Variants in LRRTM4 observed in about 807,000 individuals in gnomAD.
LRRTM4 encodes the protein leucine-rich repeat transmembrane neuronal protein 4.
Under a neutral mutation model 47.6 loss-of-function variants are expected in LRRTM4, and 25 were observed. The observed-to-expected ratio is 0.53, with a 90% CI of 0.38 to 0.73. LRRTM4 has a LOEUF of 0.73. Ranked by LOEUF, LRRTM4 falls within the 30% of genes least tolerant of loss-of-function variation. LRRTM4 has a pLI of 0.00. For synonymous variants in LRRTM4, 311 were observed against 269.5 expected, an observed-to-expected ratio of 1.15 and a Z score of -1.51; for missense variants, 638 against 713.4, an observed-to-expected ratio of 0.89 and a Z score of 1.20.
intron 3 of LRRTM4, among the ~76,000 whole-genome samples, chr2:76,821,822 G>C (rs1204653139): frequency 2.6e-5 from 4 of 151,542 alleles, no homozygotes; most frequent in African/African-American, 9.7e-5. Context: ...AGAAAATACA[G>C]CAGTCTTGCC....
intron 3 of LRRTM4, among the ~76,000 whole-genome samples, chr2:76,865,497 T>C (rs1216823817): frequency 6.6e-6 from 1 of 152,232 alleles, no homozygotes; most frequent in Non-Finnish European, 1.5e-5. Flanking sequence ...TTGTCTATCC[T>C]CATCATTTTA....
rs558283149 is a variant in LRRTM4, at chr2:77,420,663, A to G, written c.1551+97655T>C. 5.4e-3 allele frequency among the ~76,000 whole-genome samples: 816 copies of G among 150,714 alleles called. 3 individuals are homozygous for G. Among genetic ancestry groups the G allele is most frequent in the Middle Eastern group, 0.014 (4 of 286 alleles). ...ATATTTCTGCCCAGGCCTGTGGCCC[A>G]CTATTTCTCCAAGGAGCCTTGTCTT... is the stretch of plus-strand genomic sequence containing the variant. On this transcript the variant is annotated intron_variant, in intron 3 of 3. Transcript: ENST00000409884.
intron 3 of LRRTM4, among the ~76,000 whole-genome samples, chr2:76,912,176 C>T (rs1674090076): frequency 6.6e-6 from 1 of 152,144 alleles, no homozygotes; most frequent in African/African-American, 2.4e-5. Flanking sequence ...GCCTCGGCCT[C>T]CCAAAGTGCT....
intron 3 of LRRTM4, among the ~76,000 whole-genome samples, chr2:76,864,788 G>A (rs7603852): frequency 0.27 from 40,374 of 150,896 alleles, 6,258 homozygotes; most frequent in East Asian, 0.59. Context: ...GTGCAGTGGG[G>A]CAATCAAGGC....
chr2:77,386,829 C>T (rs1399100911), intron 3 of LRRTM4, among the ~76,000 whole-genome samples: 1 of 152,016 alleles, frequency 6.6e-6, no homozygotes, highest in Non-Finnish European at 1.5e-5. Context: ...GGACAAATAC[C>T]TAATGCATGT....
rs565385622 is a variant in LRRTM4, at chr2:77,068,207, A to G, written c.1552-319291T>C. Among the ~76,000 whole-genome samples, 20 of 152,246 alleles carry G rather than the reference A, an allele frequency of 1.3e-4. No homozygotes were observed. In the South Asian group the frequency reaches 1.5e-3, roughly 11 times the overall value. On this transcript the variant is annotated intron_variant, in intron 3 of 3. Transcript: ENST00000409884. The stretch of plus-strand genomic sequence containing the variant: ...TTTAAAATACTACTTTCCGCTTCCT[A>G]AAAAAATCTGCCTATTGAAAAGGGA...
intron 3 of LRRTM4, among the ~76,000 whole-genome samples, chr2:77,051,777 T>G (rs956638168): frequency 6.6e-6 from 1 of 152,272 alleles, no homozygotes; most frequent in East Asian, 1.9e-4. Flanking sequence ...AATTTGCAAC[T>G]TGAGCACCTG....
chr2:77,011,727 CTT>C (rs1424680277), intron 3 of LRRTM4, among the ~76,000 whole-genome samples: 2 of 152,012 alleles, frequency 1.3e-5, no homozygotes, highest in East Asian at 3.9e-4. Flanking sequence ...GATGTTAACT[CTT>C]TATAGTTAAC....
chr2:76,857,927 G>T (rs1337045196), intron 3 of LRRTM4, among the ~76,000 whole-genome samples: 1 of 152,022 alleles, frequency 6.6e-6, no homozygotes, highest in Non-Finnish European at 1.5e-5. Context: ...TGAGCAACTG[G>T]GAAGTTTACT....
At chr2:77,079,167 A>G (rs1289650254) in intron 3 of LRRTM4, among the ~76,000 whole-genome samples, 2 of 152,238 alleles carry the variant, frequency 1.3e-5, no homozygotes, top group South Asian at 2.1e-4. Context: ...AACAACTGAC[A>G]TAAGGGAAAC....
In LRRTM4 at chr2:77,027,367, TGTA is replaced by T. The variant is rs929287414; in HGVS notation, c.1552-278454_1552-278452del. ...CATAAATGCTTTTTAAAATAGCCTA[TGTA>T]GTAGAATGAATAGTCACAGCATGCC... On this transcript the variant is annotated intron_variant, in intron 3 of 3. Transcript: ENST00000409884. Among the ~76,000 whole-genome samples, 93 of 152,248 alleles carry T rather than the reference TGTA, an allele frequency of 6.1e-4. No homozygotes were observed. In the Middle Eastern group the frequency reaches 0.01, roughly 17 times the overall value.
intron 3 of LRRTM4, among the ~76,000 whole-genome samples, chr2:76,844,017 TC>T (rs1443471931): frequency 6.6e-6 from 1 of 150,788 alleles, no homozygotes; most frequent in African/African-American, 2.4e-5. Context: ...TTCTCCTGCC[TC>T]AGCCTCCCGA....
intron 3 of LRRTM4, among the ~76,000 whole-genome samples, chr2:77,409,062 T>C (rs1307217196): frequency 6.6e-6 from 1 of 152,182 alleles, no homozygotes; most frequent in Non-Finnish European, 1.5e-5. Flanking sequence ...TAATGAACAT[T>C]GAATCCTGCT....
chr2:76,809,855 TTC>T lies in LRRTM4; in HGVS notation c.1552-60941_1552-60940del, dbSNP rs1292942979. On this transcript the variant is annotated intron_variant, in intron 3 of 3. Transcript: ENST00000409884. The stretch of plus-strand genomic sequence containing the variant: ...GCTTGCTTTTGAGTGTCTTTGGACA[TTC>T]TGTTTTTTCTGGATGTTAGACCTTT... Among the ~76,000 whole-genome samples the T allele has an allele frequency of 2.6e-5, 4 of 152,276 alleles. No individual in the cohort carries two copies. The East Asian group carries it at 5.8e-4, about 22-fold the overall frequency.
At chr2:76,987,592 C>A (rs1041967023) in intron 3 of LRRTM4, 1 of 151,722 alleles carries the variant, frequency 6.6e-6, no homozygotes, top group Non-Finnish European at 1.5e-5. Context: ...GTAACAATTT[C>A]AAAATTTCAA....
intron 3 of LRRTM4, among the ~76,000 whole-genome samples, chr2:77,387,790 C>T (rs1573347576): frequency 6.6e-6 from 1 of 151,998 alleles, no homozygotes; most frequent in Non-Finnish European, 1.5e-5. Flanking sequence ...AGCAGGAAAA[C>T]GGTAATGGGT....
chr2:77,082,504 A>C (rs114045204), intron 3 of LRRTM4, among the ~76,000 whole-genome samples: 2,609 of 152,252 alleles, frequency 0.017, 35 homozygotes, highest in Non-Finnish European at 0.03. Context: ...AATTTTCAAC[A>C]TCACTTAAAG....
intron 3 of LRRTM4, among the ~76,000 whole-genome samples, chr2:77,031,895 A>G (rs1646062283): frequency 1.3e-5 from 2 of 152,134 alleles, no homozygotes; most frequent in Admixed American, 1.3e-4. Context: ...CTTCTTGTCC[A>G]TAGCAGTTCA....
At chr2:77,392,719 G>A (rs891435796) in intron 3 of LRRTM4, among the ~76,000 whole-genome samples, 1 of 151,936 alleles carries the variant, frequency 6.6e-6, no homozygotes, top group African/African-American at 2.4e-5. Flanking sequence ...GAGGCTGTGG[G>A]CTGCAGATAT....
Sources: allele counts gnomAD v4.1 joint callset (sites outside exome capture counted in the v4.1 genomes callset), GRCh38; gene constraint gnomAD v4.1.1; transcripts MANE v1.5; gene names NCBI Gene and HGNC (gene_info 2026-07-23, HGNC 2026-07-21).